The following TMEM74 variants were observed in gnomAD, a reference collection of about 807,000 sequenced individuals.
TMEM74 encodes the protein transmembrane protein 74.
Under a neutral mutation model 18.1 loss-of-function variants are expected in TMEM74, and 13 were observed. That is an observed-to-expected ratio of 0.72 (90% CI 0.47 to 1.14). The LOEUF is 1.14. TMEM74 is among the 50% of genes most tolerant of loss of function. The pLI, the probability that TMEM74 is intolerant of heterozygous loss-of-function variation, is 0.00. For missense variants in TMEM74, 372 were observed against 375.9 expected (o/e 0.99, Z 0.09); for synonymous variants, 159 against 146.6 (o/e 1.08, Z -0.61).
chr8:108,626,008 T>C (rs191450371), intron 2 of TMEM74, among the ~76,000 whole-genome samples: 133 of 152,160 alleles, frequency 8.7e-4, no homozygotes, highest in Non-Finnish European at 1.5e-3. Flanking sequence ...TGACTTGACC[T>C]TAAGACCTGG....
chr8:108,671,018 A>G (rs1035795385), intron 1 of TMEM74, among the ~76,000 whole-genome samples: 1 of 152,198 alleles, frequency 6.6e-6, no homozygotes, highest in Admixed American at 6.5e-5. Flanking sequence ...AAGTGAGTAT[A>G]CAGTTGGAAA....
At position 108,712,666 on chromosome 8, in the gene TMEM74, C is replaced by T. The variant is rs185627638; in HGVS notation, n.120-57229G>A. Among the ~76,000 whole-genome samples the T allele has an allele frequency of 6.0e-5, 9 of 151,116 alleles. No homozygotes were observed. In the East Asian group the frequency reaches 1.7e-3, roughly 29 times the overall value. On this transcript the variant is annotated intron_variant and non_coding_transcript_variant, in intron 1 of 3. Transcript: ENST00000518838. ...GGATTATGGTTCAAAGTAATTGCTT[C>T]CTGGTACACCTTGATTCATTTAGCC... is the stretch of plus-strand genomic sequence containing the variant.
chr8:108,617,523 C>T (rs560504845), intron 2 of TMEM74, among the ~76,000 whole-genome samples: 1 of 152,112 alleles, frequency 6.6e-6, no homozygotes, highest in African/African-American at 2.4e-5. Flanking sequence ...GTCTAAGATT[C>T]CTCCATTCAA....
intron 1 of TMEM74, among the ~76,000 whole-genome samples, chr8:108,718,268 T>C (rs1207163661): frequency 2.0e-5 from 3 of 151,836 alleles, no homozygotes; most frequent in Non-Finnish European, 4.4e-5. Context: ...CTGACTTAGG[T>C]TTTAAAAGGA....
At chr8:108,683,496 TA>T (rs1240050800) in intron 1 of TMEM74, among the ~76,000 whole-genome samples, 3 of 151,924 alleles carry the variant, frequency 2.0e-5, no homozygotes, top group African/African-American at 7.2e-5. Flanking sequence ...TAATATAATT[TA>T]CTAAATTAAC....
At chr8:108,693,887 G>A (rs189984132) in intron 1 of TMEM74, among the ~76,000 whole-genome samples, 4 of 152,304 alleles carry the variant, frequency 2.6e-5, no homozygotes, top group Admixed American at 2.6e-4. Flanking sequence ...CCACGTAGCT[G>A]TTCTTTTTGC....
chr8:108,737,285 G>A (rs1044986410), intron 1 of TMEM74, among the ~76,000 whole-genome samples: 1 of 152,138 alleles, frequency 6.6e-6, no homozygotes, highest in Non-Finnish European at 1.5e-5. Context: ...TGTATAAAGT[G>A]CATGGGATGA....
At chr8:108,657,251 A>G (rs143406824) in intron 1 of TMEM74, among the ~76,000 whole-genome samples, 35 of 152,176 alleles carry the variant, frequency 2.3e-4, no homozygotes, top group African/African-American at 6.7e-4. Context: ...GATGTTCTCA[A>G]TAACTACCAT....
chr8:108,761,036 C>T (rs1338573466), intron 1 of TMEM74, among the ~76,000 whole-genome samples: 1 of 151,550 alleles, frequency 6.6e-6, no homozygotes, highest in Admixed American at 6.6e-5. Context: ...CTCTATTTTT[C>T]CCTTGCAAGA....
intron 2 of TMEM74, among the ~76,000 whole-genome samples, chr8:108,654,590 G>A (rs1338205730): frequency 1.3e-5 from 2 of 152,092 alleles, no homozygotes. Flanking sequence ...TCAAGAAGAA[G>A]GAGAAGACCA....
At chr8:108,612,714 G>A (rs2130534834) in intron 2 of TMEM74, among the ~76,000 whole-genome samples, 1 of 152,290 alleles carries the variant, frequency 6.6e-6, no homozygotes, top group African/African-American at 2.4e-5. Flanking sequence ...CATTAGAGAA[G>A]GTGGTTCAGC....
intron 2 of TMEM74, among the ~76,000 whole-genome samples, chr8:108,632,952 G>A (rs1261444449): frequency 2.0e-5 from 3 of 151,936 alleles, no homozygotes; most frequent in Non-Finnish European, 2.9e-5. Flanking sequence ...TCAGAACACC[G>A]TGGGCTCAGA....
chr8:108,659,949 G>A (rs571176150), intron 1 of TMEM74, among the ~76,000 whole-genome samples: 2 of 152,234 alleles, frequency 1.3e-5, no homozygotes, highest in Admixed American at 6.5e-5. Flanking sequence ...TTGATGAGCC[G>A]TATGCTACCC....
Position 108,673,667 on chromosome 8 carries a change from T to G in TMEM74, n.120-18230A>C, listed in dbSNP as rs539731860. ...CGAGTGATAAAGACTATGCTTAAAATGTACCTAAAGTAAGCCATCAGAATA... is the reference window on the plus strand; with the variant it reads ...CGAGTGATAAAGACTATGCTTAAAAGGTACCTAAAGTAAGCCATCAGAATA... On this transcript the variant is annotated intron_variant and non_coding_transcript_variant, in intron 1 of 3. Coordinates refer to the TMEM74 transcript ENST00000518838. 5.3e-5 allele frequency among the ~76,000 whole-genome samples: 8 copies of G among 152,286 alleles called. No individual in the cohort carries two copies. In the South Asian group the frequency reaches 1.5e-3, roughly 28 times the overall value.
chr8:108,651,069 T>C (rs777625574), intron 2 of TMEM74, among the ~76,000 whole-genome samples: 6 of 152,158 alleles, frequency 3.9e-5, no homozygotes, highest in Non-Finnish European at 2.9e-5. Flanking sequence ...CCGTTCTGTA[T>C]CTCCCTTTTA....
intron 1 of TMEM74, among the ~76,000 whole-genome samples, chr8:108,661,318 T>A (rs1812897194): frequency 6.6e-6 from 1 of 151,792 alleles, no homozygotes; most frequent in Admixed American, 6.6e-5. Flanking sequence ...TTTGCAAGAA[T>A]TGCTTTGTGA....
At chr8:108,667,932 A>G (rs372442202) in intron 1 of TMEM74, among the ~76,000 whole-genome samples, 3 of 152,138 alleles carry the variant, frequency 2.0e-5, no homozygotes, top group Non-Finnish European at 1.5e-5. Flanking sequence ...CATCTGCTTC[A>G]TTTTATGGAC....
intron 2 of TMEM74, among the ~76,000 whole-genome samples, chr8:108,640,609 T>C (rs895221504): frequency 2.6e-5 from 4 of 152,122 alleles, no homozygotes; most frequent in African/African-American, 9.7e-5. Context: ...TATTTCAGGC[T>C]CAGGGCATTA....
chr8:108,717,961 T>G (rs1183954343), intron 1 of TMEM74, among the ~76,000 whole-genome samples: 4 of 55,364 alleles, frequency 7.2e-5, no homozygotes, highest in African/African-American at 7.2e-4. Context: ...TTTTTTTTTT[T>G]TTTTTTTTTT....
Sources: allele counts gnomAD v4.1 joint callset (sites outside exome capture counted in the v4.1 genomes callset), GRCh38; gene constraint gnomAD v4.1.1; transcripts MANE v1.5; gene names NCBI Gene and HGNC (gene_info 2026-07-23, HGNC 2026-07-21).